Variants in ZIM2 observed in about 807,000 individuals in gnomAD.
ZIM2 encodes zinc finger protein 656.
Under a neutral mutation model 38.6 loss-of-function variants are expected in ZIM2, and 14 were observed. The observed-to-expected ratio is 0.36, with a 90% confidence interval of 0.24 to 0.57. ZIM2 has a LOEUF of 0.57. Among genes scored for constraint, ZIM2 ranks in the 20% least tolerant of loss-of-function variants. The pLI is 0.81. For missense variants in ZIM2, 680 were observed against 695.1 expected (o/e 0.98, Z 0.24); for synonymous variants, 247 against 245.8 (o/e 1.00, Z -0.04).
rs554538612 is a variant in ZIM2 at position 56,794,668 on chromosome 19, A to G, written c.491-4717T>C. 9.9e-5 allele frequency among the ~76,000 whole-genome samples: 15 copies of G among 152,250 alleles called. No homozygotes were observed. In the East Asian group the frequency reaches 2.9e-3, roughly 29 times the overall value. ...TAAGATTACATGTCTCACTCAGTCC[A>G]CCTTACAAGCCAATAGTGCCATCTT... On this transcript the variant is annotated intron_variant, in intron 9 of 12. Transcript: ENST00000629319.
intron 3 of ZIM2, chr19:56,824,744 G>A (rs529009450): frequency 1.6e-6 from 2 of 1,290,160 alleles, no homozygotes; most frequent in African/African-American, 3.0e-5. Flanking sequence ...TCAGGGACCT[G>A]TGGATCGTAA....
intron 9 of ZIM2, among the ~76,000 whole-genome samples, chr19:56,796,790 A>G (rs1379102249): frequency 6.6e-6 from 1 of 152,230 alleles, no homozygotes; most frequent in African/African-American, 2.4e-5. Context: ...GATCTCACAC[A>G]GGAAGGAATT....
At chr19:56,827,516 C>T (rs1026556961) in intron 2 of ZIM2, among the ~76,000 whole-genome samples, 3 of 152,008 alleles carry the variant, frequency 2.0e-5, no homozygotes, top group South Asian at 2.1e-4. Flanking sequence ...ATCATAAAGC[C>T]GGGCAACATA....
In ZIM2 at chr19:56,816,840, T is replaced by C. The variant is rs768797506; in HGVS notation, c.490+906A>G. 1.1e-5 allele frequency: 18 copies of C among 1,614,146 alleles called. No individual in the cohort carries two copies. In the Admixed American group the frequency reaches 3.0e-4, roughly 27 times the overall value. ...CTTCCTCACATTCCTGATTCTTACA[T>C]TCCACAAGATAACCTCTAGCATGAA... On this transcript the variant is annotated intron_variant, in intron 9 of 12. Coordinates refer to ENST00000629319, the MANE Select transcript of ZIM2 (RefSeq NM_001387356.1).
intron 9 of ZIM2, chr19:56,816,459 C>G: frequency 6.2e-7 from 1 of 1,613,896 alleles, no homozygotes; most frequent in South Asian, 1.1e-5. Flanking sequence ...TTTCCTCACA[C>G]ACTTTACCCT....
intron 9 of ZIM2, chr19:56,815,540 G>A: frequency 6.2e-7 from 1 of 1,614,036 alleles, no homozygotes; most frequent in Non-Finnish European, 8.5e-7. Context: ...CATTCATAGA[G>A]CATCCCTCGA....
At position 56,787,225 on chromosome 19, in the gene ZIM2, T is replaced by C. The variant is rs2046656129; in HGVS notation, c.570+2647A>G. On this transcript the variant is annotated intron_variant, in intron 10 of 12. Transcript: ENST00000629319. ...AATGGTCATTGTACTTTTTGTATCATAGGGTTTTGTGAAGAACAAATTTTG... is the reference window on the plus strand; with the variant it reads ...AATGGTCATTGTACTTTTTGTATCACAGGGTTTTGTGAAGAACAAATTTTG... Among the ~76,000 whole-genome samples the C allele has an allele frequency of 2.0e-5, 3 of 152,340 alleles. No individual in the cohort carries two copies. In the South Asian group the frequency reaches 6.2e-4, roughly 32 times the overall value.
At chr19:56,815,256 C>T in intron 9 of ZIM2, 1 of 1,614,220 alleles carries the variant, frequency 6.2e-7, no homozygotes. Context: ...CGCCTTGAGA[C>T]TCCTCGCCAT....
At chr19:56,828,883 T>C (rs2146469562) in intron 2 of ZIM2, among the ~76,000 whole-genome samples, 1 of 152,262 alleles carries the variant, frequency 6.6e-6, no homozygotes, top group South Asian at 2.1e-4. Context: ...AAATTGATGC[T>C]AGTGAGGGTG....
intron 1 of ZIM2, among the ~76,000 whole-genome samples, chr19:56,837,541 G>A (rs2062300732): frequency 1.3e-5 from 2 of 152,182 alleles, no homozygotes; most frequent in Admixed American, 6.5e-5. Context: ...AGCTGAACCC[G>A]CCCGCTTCCC....
chr19:56,813,703 G>C, intron 9 of ZIM2: 1 of 1,613,810 alleles, frequency 6.2e-7, no homozygotes, highest in Non-Finnish European at 8.5e-7. Flanking sequence ...CTGGTGTCTG[G>C]CGAGGGACAG....
At chr19:56,835,883 G>C (rs1015444167) in intron 2 of ZIM2, 135 bp downstream of exon 2, 5 of 375,404 alleles carry the variant, frequency 1.3e-5, no homozygotes, top group Non-Finnish European at 2.8e-5. Flanking sequence ...GAAGAGTCTG[G>C]GTGTTCTCAG....
chr19:56,822,630 G>C (rs1288337720), intron 6 of ZIM2, 123 bp downstream of exon 6: 6 of 1,364,086 alleles, frequency 4.4e-6, no homozygotes, highest in Admixed American at 4.4e-5. Flanking sequence ...TAAACTTTTG[G>C]GGAAGCGGAA....
chr19:56,821,241 AGCCAG>A (rs2060457161), intron 7 of ZIM2, among the ~76,000 whole-genome samples: 1 of 152,234 alleles, frequency 6.6e-6, no homozygotes, highest in African/African-American at 2.4e-5. Context: ...CAAGTGGCAG[AGCCAG>A]GCTTTAAACC....
intron 9 of ZIM2, chr19:56,810,797 AGTT>A (rs1600843591): frequency 1.5e-5 from 15 of 973,336 alleles, no homozygotes; most frequent in Non-Finnish European, 1.3e-5. Context: ...TGTTAGCAGT[AGTT>A]GTTAGGTGTT....
At chr19:56,779,516 C>T (rs760485022) in intron 11 of ZIM2, 44 bp from the exon 12 acceptor site, 24 of 1,578,560 alleles carry the variant, frequency 1.5e-5, no homozygotes, top group Non-Finnish European at 1.9e-5. Flanking sequence ...CAGTAACTCC[C>T]AACCTTAGGT....
In ZIM2 at chr19:56,816,773, A is replaced by G. The variant is rs191932140; in HGVS notation, c.490+973T>C. ...CACTCGTAGAATTTGTCTTTGCCATATATTTTCTGAAGCTCACTAAAGGTG... is the reference window on the plus strand; with the variant it reads ...CACTCGTAGAATTTGTCTTTGCCATGTATTTTCTGAAGCTCACTAAAGGTG... On this transcript the variant is annotated intron_variant, in intron 9 of 12. Coordinates refer to ENST00000629319, the MANE Select transcript of ZIM2 (RefSeq NM_001387356.1). The G allele has an allele frequency of 2.4e-5, 38 of 1,614,092 alleles. No homozygotes were observed. The Admixed American group carries it at 4.5e-4, about 19-fold the overall frequency.
chr19:56,789,014 G>A (rs934300739), intron 10 of ZIM2, among the ~76,000 whole-genome samples: 30 of 151,432 alleles, frequency 2.0e-4, no homozygotes, highest in African/African-American at 3.2e-4. Flanking sequence ...ATTTATGTTC[G>A]TCTCTAAACT....
At chr19:56,791,938 G>T (rs1260149821) in intron 9 of ZIM2, among the ~76,000 whole-genome samples, 1 of 150,560 alleles carries the variant, frequency 6.6e-6, no homozygotes, top group Non-Finnish European at 1.5e-5. Flanking sequence ...AATCATTCTT[G>T]TTCTTGAATA....
Sources: gnomAD v4.1 joint callset for allele counts (sites outside exome capture counted in the v4.1 genomes callset) on GRCh38, gnomAD v4.1.1 for gene constraint, MANE v1.5 for transcripts, NCBI Gene and HGNC (gene_info 2026-07-23, HGNC 2026-07-21) for gene names.